Variants in ATRNL1 observed in about 807,000 individuals in gnomAD.
ATRNL1 encodes attractin like 1.
Under a neutral mutation model 182.7 loss-of-function variants are expected in ATRNL1, and 95 were observed. The observed-to-expected ratio is 0.52, with a 90% CI of 0.44 to 0.62. The LOEUF (loss-of-function observed/expected upper bound fraction) is 0.62. Among genes scored for constraint, ATRNL1 ranks in the 20% least tolerant of loss-of-function variants. The pLI, the probability that ATRNL1 is intolerant of heterozygous loss-of-function variation, is 0.00. For missense variants in ATRNL1, 1,471 were observed against 1,679.5 expected, an observed-to-expected ratio of 0.88 and a Z score of 2.17; for synonymous variants, 576 against 568.3, an observed-to-expected ratio of 1.01 and a Z score of -0.19.
At chr10:115,333,893 A>G (rs1258574993) in intron 18 of ATRNL1, among the ~76,000 whole-genome samples, 6 of 152,166 alleles carry the variant, frequency 3.9e-5, no homozygotes, top group Admixed American at 1.3e-4. Context: ...TCATGTGTTA[A>G]TATAATTAAG....
intron 25 of ATRNL1, among the ~76,000 whole-genome samples, chr10:115,534,731 G>T (rs1363705026): frequency 6.6e-6 from 1 of 151,664 alleles, no homozygotes; most frequent in African/African-American, 2.4e-5. Flanking sequence ...GCATGATTTT[G>T]TAGCAGCTGG....
chr10:115,645,113 C>T (rs782496182), intron 26 of ATRNL1, among the ~76,000 whole-genome samples: 4 of 151,986 alleles, frequency 2.6e-5, no homozygotes, highest in Middle Eastern at 3.4e-3. Context: ...GTTTATTTTT[C>T]GAAGAGACTC....
In ATRNL1 at chr10:115,396,775, TG is replaced by T. The variant is rs1239799745; in HGVS notation, c.3269+2024del. 5.3e-5 allele frequency among the ~76,000 whole-genome samples: 8 copies of T among 152,056 alleles called. No homozygotes were observed. The East Asian group carries it at 1.4e-3, about 26-fold the overall frequency. The stretch of plus-strand genomic sequence containing the variant: ...AATAAATAGTTCTTTGATACAGTAT[TG>T]CAGTAACATATTTTTGTTTACAGAC... On this transcript the variant is annotated intron_variant, in intron 20 of 28. Transcript: ENST00000355044.
rs190063966 is a variant in ATRNL1, at chr10:115,256,304, T to A, written c.1688-8889T>A. On this transcript the variant is annotated intron_variant, in intron 10 of 28. Transcript: ENST00000355044. ...GTTTGGTAGGCTATTAATTATTGCC[T>A]CAATTTCAGAGCCTGTTATTGGTCT... Among the ~76,000 whole-genome samples the A allele has an allele frequency of 2.5e-4, 38 of 152,310 alleles. No homozygotes were observed. The East Asian group carries it at 7.3e-3, about 29-fold the overall frequency.
chr10:115,255,751 T>G (rs944677485), intron 10 of ATRNL1, among the ~76,000 whole-genome samples: 2 of 152,232 alleles, frequency 1.3e-5, no homozygotes, highest in African/African-American at 2.4e-5. Context: ...TTTTGCCCAT[T>G]CAGTATGATA....
chr10:115,413,143 G>A (rs2134346502), intron 20 of ATRNL1, among the ~76,000 whole-genome samples: 1 of 152,222 alleles, frequency 6.6e-6, no homozygotes, highest in Admixed American at 6.5e-5. Context: ...GCATTGCATT[G>A]TGTATAAGTA....
chr10:115,361,619 T>C (rs559636909), intron 19 of ATRNL1, among the ~76,000 whole-genome samples: 6 of 152,202 alleles, frequency 3.9e-5, no homozygotes, highest in Admixed American at 3.9e-4. Flanking sequence ...AAAAATGCAA[T>C]AACATTCTTA....
At chr10:115,368,210 C>T (rs868980598) in intron 19 of ATRNL1, among the ~76,000 whole-genome samples, 8 of 152,188 alleles carry the variant, frequency 5.3e-5, no homozygotes, top group Admixed American at 2.0e-4. Context: ...GAGCCAGGTG[C>T]GGGATATAAT....
chr10:115,808,820 G>A (rs189547666), intron 27 of ATRNL1, among the ~76,000 whole-genome samples: 3 of 152,174 alleles, frequency 2.0e-5, no homozygotes, highest in East Asian at 1.9e-4. Context: ...TAACTTTGGC[G>A]ATGTGTCTGT....
intron 17 of ATRNL1, among the ~76,000 whole-genome samples, chr10:115,308,638 A>G (rs1345314869): frequency 6.6e-6 from 1 of 152,158 alleles, no homozygotes; most frequent in Non-Finnish European, 1.5e-5. Context: ...AATAAACAGG[A>G]TTGCTCCAAT....
At chr10:115,704,874 T>C (rs1187680716) in intron 26 of ATRNL1, among the ~76,000 whole-genome samples, 1 of 151,876 alleles carries the variant, frequency 6.6e-6, no homozygotes, top group African/African-American at 2.4e-5. Flanking sequence ...CTTCTATCTC[T>C]TTCTCCTCCT....
chr10:115,643,665 G>A (rs138980895), intron 26 of ATRNL1, among the ~76,000 whole-genome samples: 1 of 152,140 alleles, frequency 6.6e-6, no homozygotes, highest in African/African-American at 2.4e-5. Context: ...GAAGATATAT[G>A]GATGACCAAT....
intron 19 of ATRNL1, among the ~76,000 whole-genome samples, chr10:115,340,651 A>G (rs1359727688): frequency 1.3e-5 from 2 of 151,528 alleles, no homozygotes; most frequent in Non-Finnish European, 2.9e-5. Flanking sequence ...TGAAGCCATC[A>G]GACCCCAGGC....
chr10:115,453,921 C>T (rs188665450), intron 21 of ATRNL1, among the ~76,000 whole-genome samples: 2,826 of 151,520 alleles, frequency 0.019, 89 homozygotes, highest in African/African-American at 0.063. Flanking sequence ...ACATTGTGCA[C>T]ATGTACCCTA....
chr10:115,328,673 A>T (rs1855045858), intron 18 of ATRNL1, among the ~76,000 whole-genome samples: 1 of 152,014 alleles, frequency 6.6e-6, no homozygotes. Flanking sequence ...GACTGAGATC[A>T]TGTGGTGATT....
At chr10:115,204,175 A>AT (rs1195898592) in intron 8 of ATRNL1, among the ~76,000 whole-genome samples, 4 of 151,508 alleles carry the variant, frequency 2.6e-5, no homozygotes, top group East Asian at 1.9e-4. Flanking sequence ...GAATTTTTAA[A>AT]TTTTTTTTTA....
At chr10:115,727,826 A>G (rs553075527) in intron 27 of ATRNL1, among the ~76,000 whole-genome samples, 1 of 152,262 alleles carries the variant, frequency 6.6e-6, no homozygotes, top group African/African-American at 2.4e-5. Flanking sequence ...TAAAATGAAT[A>G]TTTTTATTTG....
intron 28 of ATRNL1, among the ~76,000 whole-genome samples, chr10:115,905,594 T>A (rs1469300403): frequency 6.6e-6 from 1 of 152,150 alleles, no homozygotes; most frequent in Non-Finnish European, 1.5e-5. Flanking sequence ...GACCTGTGAA[T>A]ATAAATTCAA....
intron 27 of ATRNL1, among the ~76,000 whole-genome samples, chr10:115,830,483 C>T (rs1950535146): frequency 6.6e-6 from 1 of 152,062 alleles, no homozygotes; most frequent in Non-Finnish European, 1.5e-5. Context: ...GACTTTGTAG[C>T]AATAAGCTTT....
Sources: allele counts gnomAD v4.1 joint callset (sites outside exome capture counted in the v4.1 genomes callset), GRCh38; gene constraint gnomAD v4.1.1; transcripts MANE v1.5; gene names NCBI Gene and HGNC (gene_info 2026-07-23, HGNC 2026-07-21).